Variants in PALLD observed in about 807,000 individuals in gnomAD.
The protein encoded by PALLD is palladin, cytoskeletal associated protein.
A neutral mutation model predicts 123.5 loss-of-function variants in PALLD; 61 were observed. The observed-to-expected ratio is 0.49, with a 90% CI of 0.40 to 0.61. The LOEUF is 0.61. Among genes scored for constraint, PALLD ranks in the 20% least tolerant of loss-of-function variants. The probability of loss-of-function intolerance (pLI) is 0.00; values close to 1 mark genes in which losing one functional copy is unlikely to be tolerated. For synonymous variants in PALLD, 465 were observed against 496.4 expected (o/e 0.94, Z 0.84); for missense variants, 1,273 against 1,377.0 (o/e 0.92, Z 1.20).
At chr4:168,794,537 C>CCCCT (rs1319584108) in intron 10 of PALLD, among the ~76,000 whole-genome samples, 1 of 151,304 alleles carries the variant, frequency 6.6e-6, no homozygotes, top group Non-Finnish European at 1.5e-5. Flanking sequence ...CACACACACA[C>CCCCT]ACCCCTCTGG....
chr4:168,778,978 A>C (rs751177016), intron 10 of PALLD, among the ~76,000 whole-genome samples: 2 of 152,196 alleles, frequency 1.3e-5, no homozygotes, highest in Non-Finnish European at 2.9e-5. Flanking sequence ...TCCTGCTCTA[A>C]ACACTTGCTA....
At position 168,511,192 on chromosome 4, in the gene PALLD, T is replaced by C. The variant is rs28415743; in HGVS notation, c.-82-231T>C. Reference sequence around the variant, plus strand: ...ATAGTGCCTACTGCACACATCATCTTTTTGAATGATTTAATACTGCCTAGT... The same window carrying C: ...ATAGTGCCTACTGCACACATCATCTCTTTGAATGATTTAATACTGCCTAGT... On this transcript the variant is annotated intron_variant, in intron 1 of 21. Transcript: ENST00000505667. Among the ~76,000 whole-genome samples the C allele has an allele frequency of 0.29, 44,810 of 152,102 alleles. 6,720 individuals carry two copies. Among genetic ancestry groups the C allele is most frequent in the Non-Finnish European group, 0.33 (22,453 of 67,970 alleles).
intron 2 of PALLD, among the ~76,000 whole-genome samples, chr4:168,650,028 A>C (rs1288313301): frequency 6.6e-6 from 1 of 151,768 alleles, no homozygotes; most frequent in African/African-American, 2.4e-5. Context: ...ACAAAAATTA[A>C]CCAGGCATGG....
intron 2 of PALLD, among the ~76,000 whole-genome samples, chr4:168,639,328 A>G (rs1263696773): frequency 6.6e-6 from 1 of 152,154 alleles, no homozygotes; most frequent in Non-Finnish European, 1.5e-5. Flanking sequence ...CTGATTCCAA[A>G]TGCAGTCAGT....
intron 10 of PALLD, among the ~76,000 whole-genome samples, chr4:168,870,841 C>A (rs912061685): frequency 6.6e-6 from 1 of 152,136 alleles, no homozygotes; most frequent in African/African-American, 2.4e-5. Context: ...TGTAAATAAC[C>A]TGCATGATAG....
At chr4:168,548,867 A>G (rs1766438442) in intron 2 of PALLD, among the ~76,000 whole-genome samples, 1 of 152,106 alleles carries the variant, frequency 6.6e-6, no homozygotes, top group African/African-American at 2.4e-5. Context: ...AAAGTTGCAG[A>G]CTGGGTACAG....
intron 10 of PALLD, among the ~76,000 whole-genome samples, chr4:168,737,983 C>T (rs1787930138): frequency 6.6e-6 from 1 of 152,184 alleles, no homozygotes; most frequent in Admixed American, 6.5e-5. Flanking sequence ...ACTGTGAAGT[C>T]CCCTTGGAGG....
chr4:168,714,592 C>T (rs1198930799), intron 10 of PALLD, among the ~76,000 whole-genome samples: 2 of 151,850 alleles, frequency 1.3e-5, no homozygotes, highest in Admixed American at 1.3e-4. Context: ...ATTTTATTTG[C>T]CTCGTGTGGT....
chr4:168,638,787 A>T (rs1776598564), intron 2 of PALLD, among the ~76,000 whole-genome samples: 1 of 149,270 alleles, frequency 6.7e-6, no homozygotes, highest in African/African-American at 2.4e-5. Flanking sequence ...ATCACCTCCC[A>T]GAAGGCCCCA....
intron 10 of PALLD, among the ~76,000 whole-genome samples, chr4:168,750,196 C>T (rs1286180195): frequency 2.0e-5 from 3 of 151,712 alleles, no homozygotes; most frequent in African/African-American, 7.3e-5. Flanking sequence ...ATTCACCCAC[C>T]TCACCCTCCC....
chr4:168,705,175 C>A (rs1284506014), intron 8 of PALLD, among the ~76,000 whole-genome samples: 1 of 152,076 alleles, frequency 6.6e-6, no homozygotes, highest in African/African-American at 2.4e-5. Flanking sequence ...GTCATGTGGG[C>A]ATTAAGAGTG....
intron 10 of PALLD, among the ~76,000 whole-genome samples, chr4:168,888,655 C>T (rs187349954): frequency 1.0e-3 from 159 of 152,326 alleles, no homozygotes; most frequent in Non-Finnish European, 1.4e-3. Flanking sequence ...ACCCCCCACT[C>T]CTCCAGTCTC....
At chr4:168,598,921 A>T (rs975231442) in intron 2 of PALLD, among the ~76,000 whole-genome samples, 34 of 152,176 alleles carry the variant, frequency 2.2e-4, no homozygotes, top group African/African-American at 7.7e-4. Flanking sequence ...TTTTAATCTG[A>T]ATTTTATTTC....
chr4:168,526,982 T>G (rs913089612), intron 2 of PALLD, among the ~76,000 whole-genome samples: 1 of 152,186 alleles, frequency 6.6e-6, no homozygotes, highest in Non-Finnish European at 1.5e-5. Context: ...TAAACATCCA[T>G]ATCCCAAATG....
At chr4:168,650,549 T>G (rs1294833876) in intron 2 of PALLD, among the ~76,000 whole-genome samples, 1 of 152,256 alleles carries the variant, frequency 6.6e-6, no homozygotes, top group Non-Finnish European at 1.5e-5. Flanking sequence ...GTCTTTCCTG[T>G]GTCTTTGTGT....
intron 10 of PALLD, among the ~76,000 whole-genome samples, chr4:168,748,005 T>G (rs925045490): frequency 3.3e-5 from 5 of 152,234 alleles, no homozygotes; most frequent in African/African-American, 7.2e-5. Flanking sequence ...CTTTCTGAAT[T>G]TATTTGTAAT....
intron 2 of PALLD, among the ~76,000 whole-genome samples, chr4:168,615,411 C>T (rs1032608214): frequency 6.6e-6 from 1 of 152,176 alleles, no homozygotes; most frequent in African/African-American, 2.4e-5. Context: ...GACATTTCTC[C>T]TTACAATTTC....
intron 10 of PALLD, among the ~76,000 whole-genome samples, chr4:168,765,757 A>C (rs1355751035): frequency 6.6e-6 from 1 of 152,184 alleles, no homozygotes; most frequent in Non-Finnish European, 1.5e-5. Flanking sequence ...CATTCTTTTA[A>C]GTGTAGATTC....
intron 15 of PALLD, among the ~76,000 whole-genome samples, chr4:168,909,305 T>C (rs1292315829): frequency 6.6e-6 from 1 of 152,186 alleles, no homozygotes; most frequent in Non-Finnish European, 1.5e-5. Flanking sequence ...TGGCAAGCTT[T>C]TATGAAGACC....
Sources: allele counts gnomAD v4.1 joint callset (sites outside exome capture counted in the v4.1 genomes callset), GRCh38; gene constraint gnomAD v4.1.1; transcripts MANE v1.5; gene names NCBI Gene and HGNC (gene_info 2026-07-23, HGNC 2026-07-21).